PPP5C: variants seen among roughly 807,000 people sequenced by gnomAD.
The protein encoded by PPP5C is protein phosphatase 5 catalytic subunit.
PPP5C carries 21 observed loss-of-function variants against 66.7 expected under a neutral mutation model. The ratio of observed to expected loss-of-function variants is 0.31; its 90% CI spans 0.22 to 0.45. The LOEUF (loss-of-function observed/expected upper bound fraction) is 0.45. Among genes scored for constraint, PPP5C ranks in the 20% least tolerant of loss-of-function variants. The pLI is 1.00. For missense variants in PPP5C, 464 were observed against 675.9 expected (o/e 0.69, Z 3.48); for synonymous variants, 246 against 257.4 (o/e 0.96, Z 0.43).
Position 46,383,635 on chromosome 19 carries a change from C to T in PPP5C, c.700-145C>T. Reference sequence around the variant, plus strand: ...GAATATCCCATTTCTCTCCTGGCCTCTTGGTCTTCGTTTGTGTTCCCTGCT... The same window carrying T: ...GAATATCCCATTTCTCTCCTGGCCTTTTGGTCTTCGTTTGTGTTCCCTGCT... On this transcript the variant is annotated intron_variant, in intron 5 of 12. Coordinates refer to ENST00000012443, the MANE Select transcript of PPP5C (RefSeq NM_006247.4). This position sits in a 1 kb window ranked among gnomAD's most constrained non-coding sequence, Gnocchi z 5.0. 1 of 1,032,502 alleles carries T rather than the reference C, an allele frequency of 9.7e-7. No individual in the cohort carries two copies. Among genetic ancestry groups the T allele is most frequent in the African/African-American group, 1.6e-5 (1 of 62,510 alleles). The allele number at this position is 1,032,502 out of a possible 1,614,324, so 64.0% of individuals were successfully genotyped here. A position where few individuals can be genotyped will look rare whatever the true frequency, so the allele number is the denominator to read the frequency against.
chr19:46,349,703 G>A (rs894131408), intron 1 of PPP5C, among the ~76,000 whole-genome samples: 1 of 152,118 alleles, frequency 6.6e-6, no homozygotes, highest in Admixed American at 6.5e-5. Flanking sequence ...CTGGACTCCA[G>A]GGTAAGACAG....
At chr19:46,364,172 CAGAG>C (rs1365098316) in intron 2 of PPP5C, among the ~76,000 whole-genome samples, 1 of 152,092 alleles carries the variant, frequency 6.6e-6, no homozygotes. Context: ...GAGAGGAAAT[CAGAG>C]AGAACAGAGG....
chr19:46,371,195 G>T (rs1972585771), intron 2 of PPP5C, among the ~76,000 whole-genome samples: 1 of 152,158 alleles, frequency 6.6e-6, no homozygotes, highest in Non-Finnish European at 1.5e-5. Context: ...GGATCTGGGG[G>T]ACTCCCTCTG....
At chr19:46,356,245 T>C (rs139881616) in intron 2 of PPP5C, among the ~76,000 whole-genome samples, 18 of 152,334 alleles carry the variant, frequency 1.2e-4, no homozygotes, top group South Asian at 8.3e-4. Flanking sequence ...CCCAGCAGCA[T>C]TGGGGACCCC....
At chr19:46,361,689 C>T (rs906576037) in intron 2 of PPP5C, among the ~76,000 whole-genome samples, 25 of 149,604 alleles carry the variant, frequency 1.7e-4, no homozygotes, top group Admixed American at 6.0e-4. Context: ...CACTTGAATC[C>T]GGGAGGTGGA....
chr19:46,366,281 TGCA>T (rs1972489388), intron 2 of PPP5C, among the ~76,000 whole-genome samples: 1 of 152,070 alleles, frequency 6.6e-6, no homozygotes, highest in Non-Finnish European at 1.5e-5. Context: ...TTGAGAGAAT[TGCA>T]GCCCTGGAAA....
chr19:46,376,330 C>T lies in PPP5C; in HGVS notation c.512-123C>T. 2 of 1,317,242 alleles carry T rather than the reference C, an allele frequency of 1.5e-6. No individual in the cohort carries two copies. The highest frequency in any genetic ancestry group is 2.1e-6 in the Non-Finnish European group (2 of 952,740). The allele number at this position is 1,317,242 out of a possible 1,614,324, so 81.6% of individuals were successfully genotyped here. Reference sequence around the variant, plus strand: ...GACCCAGGAGGGGACTCTTCACTCACTCTGTCCCGCTCTCGACCTGTGTGT... The same window carrying T: ...GACCCAGGAGGGGACTCTTCACTCATTCTGTCCCGCTCTCGACCTGTGTGT... On this transcript the variant is annotated intron_variant, in intron 3 of 12. Transcript: ENST00000012443. This position sits in a 1 kb window ranked among gnomAD's most constrained non-coding sequence, Gnocchi z 5.1.
chr19:46,386,824 C>G (rs532572523), intron 7 of PPP5C: 210 of 539,546 alleles, frequency 3.9e-4, no homozygotes, highest in Non-Finnish European at 4.8e-4. Flanking sequence ...ATTGCCCAGG[C>G]TGGTCTCAAA....
chr19:46,388,007 G>A lies in PPP5C; in HGVS notation c.1136-401G>A, dbSNP rs185941497. On this transcript the variant is annotated intron_variant, in intron 9 of 12. Coordinates refer to ENST00000012443, the MANE Select transcript of PPP5C (RefSeq NM_006247.4). The surrounding 1 kb of genome is among the most constrained non-coding windows in gnomAD (Gnocchi z 4.9). ...GAAGTTGGCGAGTGGGCAGGGCTGT[G>A]CTTTGAGGGCTGACATTGGACATGG... The A allele has an allele frequency of 2.2e-5, 6 of 274,096 alleles. No homozygotes were observed. The highest frequency in any genetic ancestry group is 1.2e-3 in the Middle Eastern group (1 of 820). The allele number at this position is 274,096 out of a possible 1,614,324, so 17.0% of individuals were successfully genotyped here.
At chr19:46,351,878 C>T (rs1972192596) in intron 1 of PPP5C, among the ~76,000 whole-genome samples, 1 of 152,196 alleles carries the variant, frequency 6.6e-6, no homozygotes, top group Non-Finnish European at 1.5e-5. Flanking sequence ...GGGGGCCTGA[C>T]CCAGCCTGGG....
chr19:46,359,213 A>T (rs8106249), intron 2 of PPP5C, among the ~76,000 whole-genome samples: 40,479 of 151,890 alleles, frequency 0.27, 5,738 homozygotes, highest in Middle Eastern at 0.33. Flanking sequence ...GGATGGCCTC[A>T]CAGAGTGGCA....
In PPP5C at chr19:46,383,964, C is replaced by A; in HGVS notation, c.798+86C>A. The A allele has an allele frequency of 8.9e-7, 1 of 1,129,206 alleles. No homozygotes were observed. Among genetic ancestry groups the A allele is most frequent in the South Asian group, 1.3e-5 (1 of 77,012 alleles). 69.9% of individuals were successfully genotyped at this position (1,129,206 alleles called of 1,614,324 possible). A position where few individuals can be genotyped will look rare whatever the true frequency, so the allele number is the denominator to read the frequency against. On this transcript the variant is annotated intron_variant, in intron 6 of 12. Coordinates refer to ENST00000012443, the MANE Select transcript of PPP5C (RefSeq NM_006247.4). The surrounding 1 kb of genome is among the most constrained non-coding windows in gnomAD (Gnocchi z 5.0). ...TGCACAGAGTGGGAGGAGCCCTTGCCAGGAAAAGACGTGACCTTGGAAAGG... is the reference window on the plus strand; with the variant it reads ...TGCACAGAGTGGGAGGAGCCCTTGCAAGGAAAAGACGTGACCTTGGAAAGG...
chr19:46,378,072 C>T (rs1045699777), intron 4 of PPP5C, among the ~76,000 whole-genome samples: 5 of 152,174 alleles, frequency 3.3e-5, no homozygotes, highest in Non-Finnish European at 7.3e-5. Flanking sequence ...TTGCTTTCTT[C>T]TGGCTTCTGA....
At position 46,354,008 on chromosome 19, in the gene PPP5C, C is replaced by T. The variant is rs1279877223; in HGVS notation, c.363+19C>T. 2.5e-6 allele frequency: 4 copies of T among 1,608,396 alleles called. No individual in the cohort carries two copies. The highest frequency in any genetic ancestry group is 3.4e-6 in the Non-Finnish European group (4 of 1,178,564). ...CGAGACGGTGAGCTGGGGAGTGGGC[C>T]AGGCCTGGCACCTGAGCCAGGCAGA... is the stretch of plus-strand genomic sequence containing the variant. On this transcript the variant is annotated intron_variant, in intron 2 of 12. Transcript: ENST00000012443.
intron 2 of PPP5C, among the ~76,000 whole-genome samples, chr19:46,354,856 A>G (rs1379954421): frequency 6.6e-6 from 1 of 151,886 alleles, no homozygotes; most frequent in African/African-American, 2.4e-5. Flanking sequence ...TATGTGTGAT[A>G]TGCTGATGAG....
chr19:46,351,509 G>C (rs907258121), intron 1 of PPP5C, among the ~76,000 whole-genome samples: 1 of 152,258 alleles, frequency 6.6e-6, no homozygotes, highest in Non-Finnish European at 1.5e-5. Flanking sequence ...AGCTCAGAAA[G>C]AGGAGGCTAT....
Position 46,384,828 on chromosome 19 carries a change from C to T in PPP5C, c.823C>T (p.Arg275Ter). The T allele has an allele frequency of 1.2e-6, 2 of 1,613,974 alleles. No individual in the cohort carries two copies. The highest frequency in any genetic ancestry group is 1.7e-6 in the Non-Finnish European group (2 of 1,179,866). The change falls in exon 7 of 13, where the codon CGA (arginine) becomes TGA (stop). Residue 275 changes from arginine to a stop codon, truncating the protein, a stop_gained. Coordinates refer to ENST00000012443, the MANE Select transcript of PPP5C (RefSeq NM_006247.4). LOFTEE classifies it high-confidence loss of function. ...PYIFNGDFVD[R>*]GSFSVEVILT... ...GATATTTAATGGTGACTTTGTGGAC[C>T]GAGGCTCCTTCTCTGTAGAAGTGAT...
Position 46,390,426 on chromosome 19 carries a change from C to A in PPP5C, c.*80C>A. 3 of 1,543,502 alleles carry A rather than the reference C, an allele frequency of 1.9e-6. No homozygotes were observed. Among genetic ancestry groups the A allele is most frequent in the Non-Finnish European group, 2.6e-6 (3 of 1,143,230 alleles). On this transcript the variant is annotated 3_prime_UTR_variant, in exon 13 of 13. Transcript: ENST00000012443. ...GGCCCTGGGCTAGGGGCAGAGCAGG[C>A]CCCGCCCCAGGGCAATGTTGGACCC...
At chr19:46,356,043 C>T (rs879451731) in intron 2 of PPP5C, among the ~76,000 whole-genome samples, 6 of 152,056 alleles carry the variant, frequency 3.9e-5, no homozygotes, top group African/African-American at 7.2e-5. Flanking sequence ...GGCCCAACCC[C>T]GCATACTCCC....
Sources: gnomAD v4.1 joint callset for allele counts (sites outside exome capture counted in the v4.1 genomes callset) on GRCh38, gnomAD v4.1.1 for gene constraint, Gnocchi (gnomAD v3.1) non-coding constraint, MANE v1.5 for transcripts, NCBI Gene and HGNC (gene_info 2026-07-23, HGNC 2026-07-21) for gene names.